Variants in JMJD1C observed in about 807,000 individuals in gnomAD.
JMJD1C encodes the protein jumonji domain-containing protein 1C.
Under a neutral mutation model 245.3 loss-of-function variants are expected in JMJD1C, and 31 were observed. That is an observed-to-expected ratio of 0.13 (90% CI 0.09 to 0.17). The LOEUF is 0.17. Ranked by LOEUF, JMJD1C falls within the 10% of genes least tolerant of loss-of-function variation. The pLI is 1.00. For missense variants in JMJD1C, 2,691 were observed against 3,000.2 expected (o/e 0.90, Z 2.41); for synonymous variants, 1,057 against 1,017.4 (o/e 1.04, Z -0.74).
chr10:63,389,456 CT>C (rs201032087), intron 1 of JMJD1C, among the ~76,000 whole-genome samples: 20,428 of 139,272 alleles, frequency 0.15, 1,939 homozygotes, highest in East Asian at 0.3. Context: ...TTTTTTTTTC[CT>C]TTTTTTTTTT....
intron 1 of JMJD1C, among the ~76,000 whole-genome samples, chr10:63,506,445 C>A (rs1954719534): frequency 6.6e-6 from 1 of 152,194 alleles, no homozygotes; most frequent in South Asian, 2.1e-4. Flanking sequence ...AACTATGCTT[C>A]TTGAACAAGC....
At chr10:63,181,790 A>G (rs967787677) in intron 22 of JMJD1C, among the ~76,000 whole-genome samples, 1 of 152,222 alleles carries the variant, frequency 6.6e-6, no homozygotes, top group Non-Finnish European at 1.5e-5. Flanking sequence ...TGCTACAGGG[A>G]AAGATCTGAA....
intron 2 of JMJD1C, among the ~76,000 whole-genome samples, chr10:63,304,267 G>A (rs1937691666): frequency 6.6e-6 from 1 of 152,108 alleles, no homozygotes; most frequent in Non-Finnish European, 1.5e-5. Flanking sequence ...AGAAATGCAA[G>A]CAAAATAACT....
intron 2 of JMJD1C, among the ~76,000 whole-genome samples, chr10:63,318,568 T>C (rs778009672): frequency 4.6e-5 from 7 of 152,196 alleles, no homozygotes; most frequent in Non-Finnish European, 8.8e-5. Flanking sequence ...AAATATTCTG[T>C]TACTGGTCCA....
chr10:63,375,246 G>A (rs1364245229), intron 2 of JMJD1C, among the ~76,000 whole-genome samples: 5 of 135,300 alleles, frequency 3.7e-5, no homozygotes, highest in African/African-American at 1.4e-4. Flanking sequence ...GAGTGCCCTG[G>A]TGCAATCATA....
chr10:63,306,069 G>A (rs575788158), intron 2 of JMJD1C, among the ~76,000 whole-genome samples: 132 of 151,932 alleles, frequency 8.7e-4, no homozygotes, highest in Non-Finnish European at 1.6e-3. Flanking sequence ...TTAGTCATTA[G>A]TTTATCACGT....
chr10:63,388,114 T>C (rs1245814416), intron 1 of JMJD1C, among the ~76,000 whole-genome samples: 4 of 152,096 alleles, frequency 2.6e-5, no homozygotes, highest in Non-Finnish European at 5.9e-5. Context: ...GGCAAAAAGT[T>C]TAGATACTCA....
chr10:63,218,892 T>C (rs1168550573), intron 4 of JMJD1C, among the ~76,000 whole-genome samples: 3 of 152,168 alleles, frequency 2.0e-5, no homozygotes, highest in South Asian at 2.1e-4. Flanking sequence ...AAATGAAAAC[T>C]TGAAATACCT....
At chr10:63,298,144 C>T (rs990582643) in intron 2 of JMJD1C, among the ~76,000 whole-genome samples, 2 of 152,192 alleles carry the variant, frequency 1.3e-5, no homozygotes, top group African/African-American at 2.4e-5. Flanking sequence ...GTGATTGGAC[C>T]CTGTGCTTGC....
At chr10:63,455,701 A>T (rs1952365246) in intron 1 of JMJD1C, among the ~76,000 whole-genome samples, 1 of 152,110 alleles carries the variant, frequency 6.6e-6, no homozygotes, top group Admixed American at 6.5e-5. Flanking sequence ...CTATGAAATC[A>T]TTATTAAATA....
At chr10:63,355,610 T>C (rs1192990335) in intron 2 of JMJD1C, among the ~76,000 whole-genome samples, 1 of 152,010 alleles carries the variant, frequency 6.6e-6, no homozygotes, top group Non-Finnish European at 1.5e-5. Flanking sequence ...GGAACAACAG[T>C]AAAAAGCTGA....
chr10:63,280,484 AG>A (rs1202767126), intron 2 of JMJD1C, among the ~76,000 whole-genome samples: 1 of 152,100 alleles, frequency 6.6e-6, no homozygotes, highest in African/African-American at 2.4e-5. Flanking sequence ...CAGGAAGCGG[AG>A]GTTGCAGTGG....
rs139368993 is a variant in JMJD1C, at chr10:63,287,080, G to A, written c.334-22316C>T. ...ACAAAAATTAGCTGGGCATGGTGGC[G>A]CACACCTGTGGTTCCATCTACTTAA... On this transcript the variant is annotated intron_variant, in intron 2 of 25. Coordinates refer to ENST00000399262, the MANE Select transcript of JMJD1C (RefSeq NM_032776.3). Among the ~76,000 whole-genome samples, 70 of 152,218 alleles carry A rather than the reference G, an allele frequency of 4.6e-4. No homozygotes were observed. The East Asian group carries it at 8.7e-3, about 19-fold the overall frequency.
intron 1 of JMJD1C, among the ~76,000 whole-genome samples, chr10:63,436,192 G>A (rs754433632): frequency 1.1e-4 from 16 of 152,136 alleles, no homozygotes; most frequent in Non-Finnish European, 2.1e-4. Flanking sequence ...AGTAGTAGCC[G>A]AATTCAACAC....
chr10:63,444,017 C>T (rs140388745), intron 1 of JMJD1C, among the ~76,000 whole-genome samples: 5 of 152,258 alleles, frequency 3.3e-5, no homozygotes, highest in East Asian at 1.9e-4. Context: ...TTCTTGAGAA[C>T]GGGTTTACTT....
upstream of JMJD1C, among the ~76,000 whole-genome samples, chr10:63,468,671 T>C (rs187615067): frequency 6.8e-4 from 104 of 152,358 alleles, 1 homozygote; most frequent in African/African-American, 2.4e-3. Context: ...TTTCTAGTCT[T>C]TCCATCCCCA....
chr10:63,364,884 C>T (rs1463389103), intron 2 of JMJD1C, among the ~76,000 whole-genome samples: 2 of 152,226 alleles, frequency 1.3e-5, no homozygotes, highest in Non-Finnish European at 2.9e-5. Flanking sequence ...TCCCACCATA[C>T]TACAGCTATA....
intron 3 of JMJD1C, among the ~76,000 whole-genome samples, chr10:63,257,161 A>T (rs1439953078): frequency 6.7e-6 from 1 of 148,364 alleles, no homozygotes; most frequent in African/African-American, 2.5e-5. Flanking sequence ...CACTTGAACC[A>T]GGGAGATGGA....
intron 1 of JMJD1C, among the ~76,000 whole-genome samples, chr10:63,484,940 G>C (rs890983268): frequency 1.3e-5 from 2 of 151,652 alleles, no homozygotes; most frequent in Admixed American, 6.6e-5. Context: ...AGCAAGCTAG[G>C]GTTCATGCTG....
Sources: allele counts gnomAD v4.1 joint callset (sites outside exome capture counted in the v4.1 genomes callset), GRCh38; gene constraint gnomAD v4.1.1; transcripts MANE v1.5; gene names NCBI Gene and HGNC (gene_info 2026-07-23, HGNC 2026-07-21).